QTGAL: variants seen among roughly 807,000 people sequenced by gnomAD.
QTGAL encodes the protein queuosine-tRNA galactosyltransferase.
chr17:82,961,030 T>G, the QTGAL span: 18 of 1,596,294 alleles, frequency 1.1e-5, no homozygotes, highest in Non-Finnish European at 1.4e-5. Context: ...CTCTCAGGCG[T>G]CCCGGGGCCG....
At chr17:83,049,510 T>G in the QTGAL span, among the ~76,000 whole-genome samples, 1 of 150,118 alleles carries the variant, frequency 6.7e-6, no homozygotes, top group Non-Finnish European at 1.5e-5. Flanking sequence ...CCTCCCGGGT[T>G]CACGCCATTC....
At chr17:82,982,772 G>A in the QTGAL span, among the ~76,000 whole-genome samples, 2 of 152,188 alleles carry the variant, frequency 1.3e-5, no homozygotes, top group African/African-American at 2.4e-5. Context: ...TGGGACCCTC[G>A]ATGTCCTGAT....
chr17:82,958,321 A>G, the QTGAL span, among the ~76,000 whole-genome samples: 2 of 152,142 alleles, frequency 1.3e-5, no homozygotes, highest in East Asian at 3.9e-4. Flanking sequence ...CCGGTACCCC[A>G]CAGACCCTGC....
At chr17:83,032,382 C>T in the QTGAL span, among the ~76,000 whole-genome samples, 1 of 123,248 alleles carries the variant, frequency 8.1e-6, no homozygotes, top group Non-Finnish European at 1.7e-5. Context: ...CGACCCAGAC[C>T]GAGCTCGGGA....
the QTGAL span, among the ~76,000 whole-genome samples, chr17:82,972,683 T>C: frequency 7.6e-5 from 9 of 117,876 alleles, no homozygotes; most frequent in African/African-American, 3.2e-4. Context: ...GACCCGGTAC[T>C]GACCACACCA....
the QTGAL span, among the ~76,000 whole-genome samples, chr17:83,044,831 A>C: frequency 6.6e-6 from 1 of 152,202 alleles, no homozygotes; most frequent in South Asian, 2.1e-4. Flanking sequence ...CTGTAGACCC[A>C]GCTGCTCGGG....
the QTGAL span, chr17:82,946,909 G>A: frequency 6.4e-7 from 1 of 1,565,836 alleles, no homozygotes; most frequent in East Asian, 2.4e-5. Context: ...TCCGTCAGCT[G>A]AAGTGAAGGA....
At chr17:83,048,390 G>T in the QTGAL span, 2 of 1,278,160 alleles carry the variant, frequency 1.6e-6, no homozygotes, top group Non-Finnish European at 2.3e-6. Flanking sequence ...GTCAGTATTT[G>T]AACAACATGA....
At chr17:83,015,167 G>A in the QTGAL span, among the ~76,000 whole-genome samples, 2 of 142,660 alleles carry the variant, frequency 1.4e-5, no homozygotes, top group East Asian at 4.2e-4. This position sits in a 1 kb window ranked among gnomAD's most constrained non-coding sequence, Gnocchi z 4.4. Context: ...GACCGTCTGC[G>A]GTGAGGACCT....
chr17:83,002,551 A>G, the QTGAL span, among the ~76,000 whole-genome samples: 1 of 152,186 alleles, frequency 6.6e-6, no homozygotes. Flanking sequence ...CTGTCATGAC[A>G]TGACCACAAG....
the QTGAL span, among the ~76,000 whole-genome samples, chr17:82,990,913 G>A: frequency 6.6e-6 from 1 of 152,164 alleles, no homozygotes; most frequent in Admixed American, 6.5e-5. Context: ...CTGCAAGCCA[G>A]GAAGAGCCAC....
chr17:82,978,236 G>C, the QTGAL span, among the ~76,000 whole-genome samples: 1 of 152,094 alleles, frequency 6.6e-6, no homozygotes, highest in Non-Finnish European at 1.5e-5. The surrounding 1 kb of genome is among the most constrained non-coding windows in gnomAD (Gnocchi z 4.8). Flanking sequence ...CCCAGGCTGC[G>C]AGTCTGTGAG....
At chr17:83,028,518 A>G in the QTGAL span, among the ~76,000 whole-genome samples, 32,375 of 139,676 alleles carry the variant, frequency 0.23, 3,860 homozygotes, top group Middle Eastern at 0.26. Context: ...GCGAGACTCC[A>G]TCTCAAAAAA....
chr17:83,003,076 C>T, the QTGAL span, among the ~76,000 whole-genome samples: 21 of 16,826 alleles, frequency 1.2e-3, 3 homozygotes, highest in African/African-American at 5.2e-3. Context: ...TCCCACTCTC[C>T]GCAGTCCGCG....
At chr17:83,019,407 G>T in the QTGAL span, among the ~76,000 whole-genome samples, 2 of 152,222 alleles carry the variant, frequency 1.3e-5, no homozygotes, top group African/African-American at 4.8e-5. Flanking sequence ...TATGCAAGTT[G>T]TATTTAAAAA....
chr17:83,011,115 G>A, the QTGAL span, among the ~76,000 whole-genome samples: 2 of 152,294 alleles, frequency 1.3e-5, no homozygotes, highest in East Asian at 1.9e-4. Context: ...TTTCCTCTCC[G>A]ATGTCTCCTG....
the QTGAL span, among the ~76,000 whole-genome samples, chr17:82,959,918 G>C: frequency 1.3e-5 from 2 of 152,148 alleles, no homozygotes; most frequent in Non-Finnish European, 2.9e-5. Flanking sequence ...AGGGAGAACA[G>C]GCTCCCCAGG....
chr17:83,022,863 C>A, the QTGAL span, among the ~76,000 whole-genome samples: 1 of 23,458 alleles, frequency 4.3e-5, no homozygotes, highest in Admixed American at 3.7e-4. Flanking sequence ...CCTGCACCAG[C>A]GTGAACTCAC....
the QTGAL span, among the ~76,000 whole-genome samples, chr17:82,959,607 G>T: frequency 2.8e-3 from 433 of 152,088 alleles, 1 homozygote; most frequent in African/African-American, 0.01. Context: ...GGGGCGGGGG[G>T]ACGAGCCTGA....
Sources: allele counts gnomAD v4.1 joint callset (sites outside exome capture counted in the v4.1 genomes callset), GRCh38; gene constraint gnomAD v4.1.1; non-coding constraint Gnocchi (gnomAD v3.1); transcripts MANE v1.5; gene names NCBI Gene and HGNC (gene_info 2026-07-23, HGNC 2026-07-21).